MCHR2: variants seen among roughly 807,000 people sequenced by gnomAD.
MCHR2 encodes melanin concentrating hormone receptor 2, also known as melanin-concentrating hormone receptor 2.
Under a neutral mutation model 24.8 loss-of-function variants are expected in MCHR2, and 15 were observed. That is an observed-to-expected ratio of 0.60 (90% CI 0.40 to 0.93). The LOEUF (loss-of-function observed/expected upper bound fraction) is 0.93. MCHR2 is among the 40% of genes least tolerant of loss of function. The pLI is 0.00. For synonymous variants in MCHR2, 151 were observed against 147.6 expected (o/e 1.02, Z -0.17); for missense variants, 386 against 408.7 (o/e 0.94, Z 0.48).
chr6:99,940,794 T>G (rs1774755512), intron 4 of MCHR2, among the ~76,000 whole-genome samples: 2 of 152,182 alleles, frequency 1.3e-5, no homozygotes, highest in Admixed American at 1.3e-4. Context: ...TTGGCTCTAG[T>G]GACCCATCAG....
chr6:99,979,413 C>T (rs1218573001), intron 1 of MCHR2, among the ~76,000 whole-genome samples: 1 of 152,166 alleles, frequency 6.6e-6, no homozygotes, highest in Non-Finnish European at 1.5e-5. Flanking sequence ...ACCCCAGTAG[C>T]CACTAGCCAC....
intron 1 of MCHR2, among the ~76,000 whole-genome samples, chr6:99,963,707 ATGTT>A (rs773194652): frequency 6.6e-6 from 1 of 152,122 alleles, no homozygotes; most frequent in Non-Finnish European, 1.5e-5. Flanking sequence ...ACAAAAATGA[ATGTT>A]TGAGAAATGA....
chr6:99,922,106 ATTT>A (rs34099388), intron 5 of MCHR2, among the ~76,000 whole-genome samples: 8 of 125,846 alleles, frequency 6.4e-5, no homozygotes, highest in African/African-American at 8.8e-5. Flanking sequence ...CCATTTGTCC[ATTT>A]TTTTTTTTTT....
chr6:99,962,400 A>C (rs1245332748), intron 1 of MCHR2, among the ~76,000 whole-genome samples: 1 of 152,184 alleles, frequency 6.6e-6, no homozygotes, highest in African/African-American at 2.4e-5. Context: ...GGTTGTCCAC[A>C]GGTAACTAAA....
Position 99,943,102 on chromosome 6 carries a change from C to G in MCHR2, c.434G>C (p.Arg145Thr). Residue 145 changes from arginine to threonine, a missense_variant, in exon 4 of 6, where the codon AGA becomes ACA. Coordinates refer to ENST00000281806, the MANE Select transcript of MCHR2 (RefSeq NM_001040179.2). ...LVQPFRLTRW[R>T]TRYKTIRINL... Reference sequence around the variant, plus strand: ...GATCCGGATGGTCTTGTACCTTGTTCTCCAACGTGTCAGTCGAAATGGTTG... The same window carrying G: ...GATCCGGATGGTCTTGTACCTTGTTGTCCAACGTGTCAGTCGAAATGGTTG... 1 of 1,611,356 alleles carries G rather than the reference C, an allele frequency of 6.2e-7. No homozygotes were observed.
At position 99,934,404 on chromosome 6, in the gene MCHR2, G is replaced by T. The variant is rs780787578; in HGVS notation, c.701C>A (p.Ala234Asp). The T allele has an allele frequency of 3.7e-5, 58 of 1,572,852 alleles. No individual in the cohort carries two copies. Among genetic ancestry groups the T allele is most frequent in the Non-Finnish European group, 4.9e-5 (57 of 1,165,446 alleles). The change falls in exon 5 of 6, where the codon GCC (alanine) becomes GAC (aspartate). Residue 234 changes from alanine to aspartate, a missense_variant. Physicochemically the swap from Ala to Asp is moderately radical, Grantham distance 126. Coordinates refer to ENST00000281806, the MANE Select transcript of MCHR2 (RefSeq NM_001040179.2). ...AAACAAGGCAAACACTTACCATCTGGCATCCTTATTCTGTTGATACATCTC... is the reference window on the plus strand; with the variant it reads ...AAACAAGGCAAACACTTACCATCTGTCATCCTTATTCTGTTGATACATCTC... ...TWEMYQQNKDARCCNPSVPKQ... is the reference protein window; with the variant it reads ...TWEMYQQNKDDRCCNPSVPKQ...
rs554987402 is a variant in MCHR2 at position 99,965,305 on chromosome 6, T to A, written c.-27-9131A>T. On this transcript the variant is annotated intron_variant, in intron 1 of 5. Coordinates refer to ENST00000281806, the MANE Select transcript of MCHR2 (RefSeq NM_001040179.2). ...TTACTTTCCAATTTATTTCAAATTT[T>A]AAAAATCAGCTAATATGATGTTAAC... is the stretch of plus-strand genomic sequence containing the variant. 4.5e-3 allele frequency among the ~76,000 whole-genome samples: 682 copies of A among 152,344 alleles called. 2 individuals carry two copies. The highest frequency in any genetic ancestry group is 7.6e-3 in the Non-Finnish European group (518 of 68,028).
intron 1 of MCHR2, among the ~76,000 whole-genome samples, chr6:99,972,642 A>C (rs968710103): frequency 7.2e-5 from 11 of 151,970 alleles, no homozygotes; most frequent in South Asian, 2.1e-4. Flanking sequence ...TAGTTCTTTT[A>C]ATTGTGATGT....
At chr6:99,927,175 G>C (rs1222528993) in intron 5 of MCHR2, among the ~76,000 whole-genome samples, 1 of 152,080 alleles carries the variant, frequency 6.6e-6, no homozygotes, top group African/African-American at 2.4e-5. Context: ...TGAGGGCTCT[G>C]TTCTGTTCCA....
rs767500177 is a variant in MCHR2 at position 99,921,212 on chromosome 6, T to G, written c.751A>C (p.Lys251Gln). Reference sequence around the variant, plus strand: ...ACTACCACCAGCACCAGCACCATCTTTGTCAACTTCATCACTCTCTGTTTT... The same window carrying G: ...ACTACCACCAGCACCAGCACCATCTGTGTCAACTTCATCACTCTCTGTTTT... Reference protein sequence around the residue: ...VPKQRVMKLTKMVLVLVVVFI... With the variant: ...VPKQRVMKLTQMVLVLVVVFI... Residue 251 changes from lysine to glutamine, a missense_variant, in exon 6 of 6, where the codon AAG becomes CAG. Lys to Gln is a moderately conservative substitution (Grantham distance 53). Coordinates refer to ENST00000281806, the MANE Select transcript of MCHR2 (RefSeq NM_001040179.2). The G allele has an allele frequency of 6.2e-7, 1 of 1,614,096 alleles. No individual in the cohort carries two copies. Among genetic ancestry groups the G allele is most frequent in the Admixed American group, 1.7e-5 (1 of 60,014 alleles).
At chr6:99,929,508 GA>G (rs1774457312) in intron 5 of MCHR2, among the ~76,000 whole-genome samples, 3 of 152,296 alleles carry the variant, frequency 2.0e-5, no homozygotes, top group East Asian at 1.9e-4. Flanking sequence ...CTTGCTTTAT[GA>G]ATCTGGGTGC....
chr6:99,930,104 G>T (rs1305400620), intron 5 of MCHR2, among the ~76,000 whole-genome samples: 1 of 151,826 alleles, frequency 6.6e-6, no homozygotes, highest in Admixed American at 6.6e-5. Flanking sequence ...ACGAAGCTTA[G>T]TTTGGCTGGA....
intron 5 of MCHR2, among the ~76,000 whole-genome samples, chr6:99,930,368 G>T (rs1318068194): frequency 6.6e-6 from 1 of 152,102 alleles, no homozygotes; most frequent in Non-Finnish European, 1.5e-5. Context: ...TGTATTTCCT[G>T]AATCTGAATG....
At position 99,922,756 on chromosome 6, in the gene MCHR2, GTTA is replaced by G. The variant is rs1774265212; in HGVS notation, c.708-1504_708-1502del. Among the ~76,000 whole-genome samples, 5 of 152,122 alleles carry G rather than the reference GTTA, an allele frequency of 3.3e-5. No individual in the cohort carries two copies. In the South Asian group the frequency reaches 1.0e-3, roughly 32 times the overall value. On this transcript the variant is annotated intron_variant, in intron 5 of 5. Coordinates refer to ENST00000281806, the MANE Select transcript of MCHR2 (RefSeq NM_001040179.2). Reference sequence around the variant, plus strand: ...TTCTGTTTCATTGGTCTATGTCTCTGTTATTATGCCAGTACCAGGCTGTTTTGG... The same window carrying G: ...TTCTGTTTCATTGGTCTATGTCTCTGTTATGCCAGTACCAGGCTGTTTTGG...
chr6:99,961,226 G>T (rs1365994444), intron 1 of MCHR2, among the ~76,000 whole-genome samples: 5 of 151,016 alleles, frequency 3.3e-5, no homozygotes, highest in African/African-American at 1.2e-4. Flanking sequence ...TTTTTTTTTA[G>T]AATGTTTTAG....
rs1775205275 is a variant in MCHR2, at chr6:99,962,348, A to G, written c.-27-6174T>C. On this transcript the variant is annotated intron_variant, in intron 1 of 5. Coordinates refer to ENST00000281806, the MANE Select transcript of MCHR2 (RefSeq NM_001040179.2). ...ATGGTGCACAATTTAAAACTTATGA[A>G]TTGTTTATTTTGGAAATTTCTATTT... 3.3e-5 allele frequency among the ~76,000 whole-genome samples: 5 copies of G among 152,306 alleles called. No individual in the cohort carries two copies. The South Asian group carries it at 1.0e-3, about 32-fold the overall frequency.
In MCHR2 at chr6:99,979,617, T is replaced by C. The variant is rs191921556; in HGVS notation, c.-28+14319A>G. On this transcript the variant is annotated intron_variant, in intron 1 of 5. Transcript: ENST00000281806. ...AATTAAATGTATTATTAAAATTAAT[T>C]TCACCTGTTTCTTTTTACTTTTTAA... 5.1e-3 allele frequency among the ~76,000 whole-genome samples: 780 copies of C among 152,334 alleles called. 7 individuals carry two copies. The highest frequency in any genetic ancestry group is 0.018 in the African/African-American group (735 of 41,576).
chr6:99,929,896 T>G (rs532635127), intron 5 of MCHR2, among the ~76,000 whole-genome samples: 12 of 150,190 alleles, frequency 8.0e-5, no homozygotes, highest in Admixed American at 1.3e-4. Flanking sequence ...GTTAGCTGGT[T>G]ATTTTGCTCG....
intron 1 of MCHR2, among the ~76,000 whole-genome samples, chr6:99,988,466 C>T (rs1775807232): frequency 6.6e-6 from 1 of 152,202 alleles, no homozygotes; most frequent in Admixed American, 6.5e-5. Flanking sequence ...CTTTTGCACA[C>T]TGGCCCACAA....
Sources: allele counts gnomAD v4.1 joint callset (sites outside exome capture counted in the v4.1 genomes callset), GRCh38; gene constraint gnomAD v4.1.1; transcripts MANE v1.5; gene names NCBI Gene and HGNC (gene_info 2026-07-23, HGNC 2026-07-21).